THAP3: variants seen among roughly 807,000 people sequenced by gnomAD.
THAP3 encodes THAP domain-containing protein 3.
Under a neutral mutation model 17.7 loss-of-function variants are expected in THAP3, and 12 were observed. The ratio of observed to expected loss-of-function variants is 0.68; its 90% CI spans 0.43 to 1.10. THAP3 has a LOEUF of 1.10. Ranked by LOEUF, THAP3 falls within the 50% of genes least tolerant of loss-of-function variation. The pLI, the probability that THAP3 is intolerant of heterozygous loss-of-function variation, is 0.00. For missense variants in THAP3, 289 were observed against 318.0 expected (o/e 0.91, Z 0.69); for synonymous variants, 133 against 126.9 (o/e 1.05, Z -0.32).
chr1:6,625,084 A>T, intron 1 of THAP3, 66 bp from the exon 2 acceptor site: 1 of 1,004,602 alleles, frequency 1.0e-6, no homozygotes, highest in Non-Finnish European at 1.4e-6. Context: ...GGATGGCAGG[A>T]TGAGCGCGCC....
At chr1:6,634,619 C>CT, downstream of THAP3, 1 of 1,366,476 alleles carries the variant, frequency 7.3e-7, no homozygotes, top group Non-Finnish European at 9.8e-7. Context: ...CCTCACGTAA[C>CT]TTTACTGCAG....
chr1:6,630,628 G>A (rs1641583764), intron 4 of THAP3, among the ~76,000 whole-genome samples: 1 of 152,132 alleles, frequency 6.6e-6, no homozygotes, highest in Admixed American at 6.5e-5. Flanking sequence ...AGTCTGGAGT[G>A]CAGTGGCATG....
At position 6,624,880 on chromosome 1, in the gene THAP3, G is replaced by T. The variant is rs945582994; in HGVS notation, c.-144G>T. ...TGGCCGTTGGTTTCCAGTTGTCCAAGCCTGTGAGTGGCTATGCGTCCTGGT... is the reference window on the plus strand; with the variant it reads ...TGGCCGTTGGTTTCCAGTTGTCCAATCCTGTGAGTGGCTATGCGTCCTGGT... On this transcript the variant is annotated 5_prime_UTR_variant, in exon 1 of 6. Coordinates refer to ENST00000054650, the MANE Select transcript of THAP3 (RefSeq NM_001195753.2). 2.8e-6 allele frequency: 1 copy of T among 352,440 alleles called. No individual in the cohort carries two copies. Among genetic ancestry groups the T allele is most frequent in the Non-Finnish European group, 5.3e-6 (1 of 190,306 alleles). The allele number at this position is 352,440 out of a possible 1,614,324, so 21.8% of individuals were successfully genotyped here. A position where few individuals can be genotyped will look rare whatever the true frequency, so the allele number is the denominator to read the frequency against.
At chr1:6,626,216 A>G (rs1557452256) in intron 2 of THAP3, among the ~76,000 whole-genome samples, 2 of 152,100 alleles carry the variant, frequency 1.3e-5, no homozygotes, top group African/African-American at 4.8e-5. Context: ...AGACTGAAGT[A>G]GGAGGATCGC....
rs1161384605 is a variant in THAP3, at chr1:6,632,738, C to T, written c.439-58C>T. 1.9e-6 allele frequency: 3 copies of T among 1,601,374 alleles called. No homozygotes were observed. In the South Asian group the frequency reaches 3.3e-5, roughly 18 times the overall value. On this transcript the variant is annotated intron_variant, in intron 5 of 5. Coordinates refer to ENST00000054650, the MANE Select transcript of THAP3 (RefSeq NM_001195753.2). ...GTGTGCGTGTCTGGTGGCCTGCTCA[C>T]CATGGCCCGCCTTCCTGCTGGTGAT...
At chr1:6,625,494 C>T (rs1486594447) in intron 2 of THAP3, among the ~76,000 whole-genome samples, 1 of 151,746 alleles carries the variant, frequency 6.6e-6, no homozygotes, top group Non-Finnish European at 1.5e-5. Flanking sequence ...GGGGCAGCGG[C>T]GCACCTGGCG....
chr1:6,628,352 G>A, intron 2 of THAP3, 147 bp from the exon 3 acceptor site: 1 of 673,542 alleles, frequency 1.5e-6, no homozygotes, highest in Non-Finnish European at 2.4e-6. Context: ...GAAGCTTCCA[G>A]AAATTAGATG....
downstream of THAP3, among the ~76,000 whole-genome samples, chr1:6,633,859 G>A (rs150438999): frequency 7.9e-5 from 12 of 151,756 alleles, no homozygotes; most frequent in East Asian, 1.8e-3. Context: ...GCAGTGAGCC[G>A]AGATCACACC....
downstream of THAP3, chr1:6,634,101 A>C (rs754090272): frequency 1.6e-5 from 25 of 1,612,158 alleles, no homozygotes; most frequent in East Asian, 1.3e-4. Flanking sequence ...GATGGGGAGG[A>C]GGCCTCTGGG....
chr1:6,627,671 A>G (rs931785907), intron 2 of THAP3: 1 of 152,274 alleles, frequency 6.6e-6, no homozygotes, highest in South Asian at 2.1e-4. Context: ...AGCTGCTACA[A>G]AACAAACTTC....
intron 2 of THAP3, among the ~76,000 whole-genome samples, chr1:6,625,836 C>T (rs550822065): frequency 6.6e-6 from 1 of 152,302 alleles, no homozygotes; most frequent in African/African-American, 2.4e-5. Context: ...ATTTCTCTAC[C>T]CACTTTTGGG....
chr1:6,630,255 G>T, intron 3 of THAP3, 33 bp from the exon 4 acceptor site: 2 of 1,608,444 alleles, frequency 1.2e-6, no homozygotes, highest in Non-Finnish European at 1.7e-6. Flanking sequence ...GGGTTCTTGG[G>T]GTCTGCATCC....
chr1:6,633,958 T>C, downstream of THAP3: 1 of 1,459,226 alleles, frequency 6.9e-7, no homozygotes, highest in Non-Finnish European at 9.5e-7. Context: ...TTTATAGCTT[T>C]AGTGAATTAA....
chr1:6,625,387 C>T (rs1291984273), intron 2 of THAP3, 95 bp downstream of exon 2: 10 of 1,166,958 alleles, frequency 8.6e-6, no homozygotes, highest in Middle Eastern at 3.1e-4. Context: ...GGCCCAAAGG[C>T]GTGCGGCCGC....
chr1:6,634,150 CACGGAAGAGCGCCAGCCTCTGCT>C, downstream of THAP3: 9 of 1,423,754 alleles, frequency 6.3e-6, no homozygotes, highest in Non-Finnish European at 8.9e-6. Context: ...ACACACAATA[CACGGAAGAGCGCCAGCCTCTGCT>C]TTCAGGAAAG....
At position 6,630,333 on chromosome 1, in the gene THAP3, A is replaced by G. The variant is rs751504961; in HGVS notation, c.313A>G (p.Ser105Gly). 5.6e-6 allele frequency: 9 copies of G among 1,614,064 alleles called. No homozygotes were observed. The South Asian group carries it at 9.9e-5, about 18-fold the overall frequency. The change falls in exon 4 of 6, where the codon AGC (serine) becomes GGC (glycine). Residue 105 changes from serine (S) to glycine (G), a missense_variant. Physicochemically the swap from Ser to Gly is moderately conservative, Grantham distance 56. Transcript: ENST00000054650. ...CCCTGCCAGTGAGAGAGGAAATGCC[A>G]GCTCTTCTCAGAAAGAAAAGGTGAG... ...TDPASERGNA[S>G]SSQKEKVLPE...
Position 6,625,157 on chromosome 1 carries a change from C to T in THAP3, c.-62C>T, listed in dbSNP as rs1641426186. The T allele has an allele frequency of 6.6e-7, 1 of 1,505,338 alleles. No individual in the cohort carries two copies. Among genetic ancestry groups the T allele is most frequent in the South Asian group, 1.2e-5 (1 of 82,306 alleles). The allele number at this position is 1,505,338 out of a possible 1,614,324, so 93.2% of individuals were successfully genotyped here. ...CCCCGCCCCTCCCCGCAGGTCCCTC[C>T]CCTCTCCGCAGGCCCCGCCGCCGCC... On this transcript the variant is annotated 5_prime_UTR_variant, in exon 2 of 6. Transcript: ENST00000054650.
chr1:6,634,114 A>T (rs1203533181), downstream of THAP3: 1 of 1,601,784 alleles, frequency 6.2e-7, no homozygotes, highest in Non-Finnish European at 8.5e-7. Context: ...CCTCTGGGGA[A>T]GGGGTTCCCT....
At chr1:6,632,289 T>C in intron 4 of THAP3, 102 bp from the exon 5 acceptor site, 1 of 1,504,796 alleles carries the variant, frequency 6.6e-7, no homozygotes, top group Non-Finnish European at 9.0e-7. Context: ...ACCCTGGAGC[T>C]GGTCCCTGGC....
Sources: gnomAD v4.1 joint callset for allele counts (sites outside exome capture counted in the v4.1 genomes callset) on GRCh38, gnomAD v4.1.1 for gene constraint, MANE v1.5 for transcripts, NCBI Gene and HGNC (gene_info 2026-07-23, HGNC 2026-07-21) for gene names.